Variants in RORA observed in about 807,000 individuals in gnomAD.
RORA encodes the protein nuclear receptor ROR-alpha.
A neutral mutation model predicts 69.5 loss-of-function variants in RORA; 7 were observed. The observed-to-expected ratio is 0.10, with a 90% CI of 0.06 to 0.19. The LOEUF (loss-of-function observed/expected upper bound fraction) is 0.19, where lower values mean the gene tolerates loss of function less well. Among genes scored for constraint, RORA ranks in the 10% least tolerant of loss-of-function variants. RORA has a pLI of 1.00. For missense variants in RORA, 457 were observed against 663.0 expected (o/e 0.69, Z 3.41); for synonymous variants, 261 against 240.8 (o/e 1.08, Z -0.78).
intron 1 of RORA, among the ~76,000 whole-genome samples, chr15:60,699,911 C>T: frequency 6.6e-6 from 1 of 151,516 alleles, no homozygotes; most frequent in Middle Eastern, 3.2e-3. Context: ...ATTCCTGAAG[C>T]TAAGAGGGCT....
rs1033149588 is a variant in RORA at position 60,490,050 on chromosome 15, T to C, written c.*7405A>G. On this transcript the variant is annotated 3_prime_UTR_variant, in exon 11 of 11. Transcript: ENST00000335670. This position sits in a 1 kb window ranked among gnomAD's most constrained non-coding sequence, Gnocchi z 4.1. The stretch of plus-strand genomic sequence containing the variant: ...CCATACTAAGGAAGTAATTTTATCC[T>C]AATTAAATACACTCTAGAATAATTT... 6.6e-6 allele frequency: 1 copy of C among 151,942 alleles called. No individual in the cohort carries two copies. The highest frequency in any genetic ancestry group is 1.5e-5 in the Non-Finnish European group (1 of 67,946). The allele number at this position is 151,942 out of a possible 1,614,324, so 9.4% of individuals were successfully genotyped here. A position where few individuals can be genotyped will look rare whatever the true frequency, so the allele number is the denominator to read the frequency against.
chr15:60,660,958 A>C (rs2070294482), intron 2 of RORA, among the ~76,000 whole-genome samples: 1 of 151,526 alleles, frequency 6.6e-6, no homozygotes, highest in Admixed American at 6.6e-5. Flanking sequence ...AAACAGAAGC[A>C]TTTTCAGACT....
chr15:61,164,321 T>C (rs535366448), intron 1 of RORA, among the ~76,000 whole-genome samples: 2 of 152,320 alleles, frequency 1.3e-5, no homozygotes, highest in South Asian at 2.1e-4. Context: ...AATTTTCATA[T>C]GTGGTAAGAC....
rs978777603 is a variant in RORA, at chr15:60,513,713, C to T, written c.424+903G>A. ...GGTGCACAGAGTGCCTCTTAGAATA[C>T]GCAGGAACAAAAGTGAACTCGTGCC... On this transcript the variant is annotated intron_variant, in intron 4 of 10. Transcript: ENST00000335670. Among the ~76,000 whole-genome samples, 10 of 152,156 alleles carry T rather than the reference C, an allele frequency of 6.6e-5. No homozygotes were observed. The East Asian group carries it at 7.7e-4, about 12-fold the overall frequency.
intron 1 of RORA, among the ~76,000 whole-genome samples, chr15:61,212,459 G>A (rs1270814982): frequency 5.3e-5 from 8 of 152,124 alleles, no homozygotes; most frequent in Non-Finnish European, 1.2e-4. Flanking sequence ...GAGTGCAATG[G>A]CGCAATCTCA....
intron 1 of RORA, among the ~76,000 whole-genome samples, chr15:60,920,486 C>A (rs1892008774): frequency 6.6e-6 from 1 of 152,162 alleles, no homozygotes; most frequent in African/African-American, 2.4e-5. Context: ...GTCAGTAGGC[C>A]ACCCATTTTA....
intron 1 of RORA, among the ~76,000 whole-genome samples, chr15:61,224,473 G>A (rs1250741662): frequency 6.6e-6 from 1 of 152,188 alleles, no homozygotes; most frequent in Non-Finnish European, 1.5e-5. Flanking sequence ...GAAGATGAAG[G>A]GGGAAAGGAA....
chr15:60,975,308 C>T (rs868123281), intron 1 of RORA, among the ~76,000 whole-genome samples: 2 of 152,058 alleles, frequency 1.3e-5, no homozygotes, highest in African/African-American at 2.4e-5. Context: ...AAGTGAGATC[C>T]GAAAAGAGAA....
intron 1 of RORA, among the ~76,000 whole-genome samples, chr15:60,755,722 T>C (rs2140866274): frequency 6.6e-6 from 1 of 152,298 alleles, no homozygotes; most frequent in Non-Finnish European, 1.5e-5. Context: ...AAGAAATGGT[T>C]GTGGGATACA....
At chr15:60,685,987 A>G (rs911059768) in intron 1 of RORA, among the ~76,000 whole-genome samples, 114 of 152,308 alleles carry the variant, frequency 7.5e-4, no homozygotes, top group African/African-American at 2.7e-3. Flanking sequence ...TTTGGACGCC[A>G]TGAAAAATAT....
At chr15:60,857,211 G>A (rs1344624881) in intron 1 of RORA, among the ~76,000 whole-genome samples, 1 of 152,160 alleles carries the variant, frequency 6.6e-6, no homozygotes, top group Non-Finnish European at 1.5e-5. Context: ...GGGCACATGG[G>A]TGAAGTATAA....
chr15:61,228,628 G>A (rs1199440340), intron 1 of RORA, among the ~76,000 whole-genome samples: 2 of 151,744 alleles, frequency 1.3e-5, no homozygotes, highest in Non-Finnish European at 2.9e-5. Flanking sequence ...GCGGAAGGAG[G>A]GTGGCCATAA....
At chr15:60,645,369 T>C (rs2070021163) in intron 2 of RORA, among the ~76,000 whole-genome samples, 1 of 151,650 alleles carries the variant, frequency 6.6e-6, no homozygotes, top group African/African-American at 2.4e-5. Flanking sequence ...AAAAAAAATC[T>C]ACAGTGGCTC....
chr15:61,078,329 C>CTGTGTGTGTA (rs1555408614), intron 1 of RORA, among the ~76,000 whole-genome samples: 3 of 133,182 alleles, frequency 2.3e-5, no homozygotes, highest in Non-Finnish European at 4.7e-5. Context: ...ACACCTGGCT[C>CTGTGTGTGTA]TGTGTGTGTG....
intron 1 of RORA, among the ~76,000 whole-genome samples, chr15:60,997,344 C>T (rs1894584623): frequency 6.6e-6 from 1 of 152,072 alleles, no homozygotes; most frequent in Non-Finnish European, 1.5e-5. Flanking sequence ...AGAAGGAAAA[C>T]AATTTGTCTA....
At chr15:60,896,407 T>C (rs542181696) in intron 1 of RORA, among the ~76,000 whole-genome samples, 1 of 152,354 alleles carries the variant, frequency 6.6e-6, no homozygotes, top group Admixed American at 6.5e-5. Flanking sequence ...ATTTCTAAAC[T>C]TTCCATTTCC....
chr15:60,843,120 C>A (rs192155653), intron 1 of RORA, among the ~76,000 whole-genome samples: 2 of 152,188 alleles, frequency 1.3e-5, no homozygotes. Flanking sequence ...TCTCCCTCCC[C>A]CTGCTGTTCT....
chr15:61,035,992 G>A (rs1896440058), intron 1 of RORA, among the ~76,000 whole-genome samples: 1 of 152,208 alleles, frequency 6.6e-6, no homozygotes, highest in Non-Finnish European at 1.5e-5. Flanking sequence ...TCAGTGGAAT[G>A]AGGGAAAGGG....
At chr15:61,059,558 T>G (rs957554754) in intron 1 of RORA, among the ~76,000 whole-genome samples, 2 of 152,194 alleles carry the variant, frequency 1.3e-5, no homozygotes, top group Admixed American at 6.5e-5. Flanking sequence ...TCTTCCTTGC[T>G]CCATACAAAA....
Sources: gnomAD v4.1 joint callset for allele counts (sites outside exome capture counted in the v4.1 genomes callset) on GRCh38, gnomAD v4.1.1 for gene constraint, Gnocchi (gnomAD v3.1) non-coding constraint, MANE v1.5 for transcripts, NCBI Gene and HGNC (gene_info 2026-07-23, HGNC 2026-07-21) for gene names.